CYP2C19: variants seen among roughly 807,000 people sequenced by gnomAD.
CYP2C19 encodes cytochrome P450 2C19.
In CYP2C19, 59 loss-of-function variants were observed where a neutral mutation model predicts 40.9. That is an observed-to-expected ratio of 1.44 (90% CI 1.17 to 1.79). The LOEUF (loss-of-function observed/expected upper bound fraction) is 1.79, where lower values mean the gene tolerates loss of function less well. CYP2C19 is among the 40% of genes most tolerant of loss of function. CYP2C19 has a pLI of 0.00. For synonymous variants in CYP2C19, 253 were observed against 208.7 expected (o/e 1.21, Z -1.83); for missense variants, 754 against 596.9 (o/e 1.26, Z -2.74).
intron 5 of CYP2C19, among the ~76,000 whole-genome samples, chr10:94,796,388 T>A (rs547202475): frequency 6.6e-6 from 1 of 152,156 alleles, no homozygotes; most frequent in Non-Finnish European, 1.5e-5. Context: ...TGCTGTTTTG[T>A]TTACTGTAGC....
At chr10:94,813,741 C>A (rs1272280463) in intron 5 of CYP2C19, among the ~76,000 whole-genome samples, 1 of 151,056 alleles carries the variant, frequency 6.6e-6, no homozygotes, top group Non-Finnish European at 1.5e-5. Context: ...GTGAGATCCC[C>A]TGAGCTAGAT....
In CYP2C19 at chr10:94,843,043, C is replaced by T. The variant is rs776345170; in HGVS notation, c.1149+19C>T. On this transcript the variant is annotated intron_variant, in intron 7 of 8. Coordinates refer to ENST00000371321, the MANE Select transcript of CYP2C19 (RefSeq NM_000769.4). ...TCCCAAGGTAAGTTTGTTTCTCCTA[C>T]ACTGCAACTCCATGTTCTTTTATTC... 1 of 1,612,150 alleles carries T rather than the reference C, an allele frequency of 6.2e-7. No individual in the cohort carries two copies. The highest frequency in any genetic ancestry group is 1.7e-5 in the Admixed American group (1 of 60,030).
intron 5 of CYP2C19, among the ~76,000 whole-genome samples, chr10:94,812,164 G>T (rs921712041): frequency 6.6e-6 from 1 of 152,142 alleles, no homozygotes; most frequent in Non-Finnish European, 1.5e-5. Flanking sequence ...GAAATTCTGG[G>T]TTGAAAATTC....
rs908156351 is a variant in CYP2C19 at position 94,852,976 on chromosome 10, A to C, written c.*62A>C. On this transcript the variant is annotated 3_prime_UTR_variant, in exon 9 of 9. Coordinates refer to ENST00000371321, the MANE Select transcript of CYP2C19 (RefSeq NM_000769.4). ...CTGCAGCTCTCTTTCCTCTGGTCCA[A>C]ATTTCACTATCTGTGATGCTTCTTC... 6.5e-7 allele frequency: 1 copy of C among 1,548,352 alleles called. No individual in the cohort carries two copies. The highest frequency in any genetic ancestry group is 8.9e-7 in the Non-Finnish European group (1 of 1,127,472).
At chr10:94,826,714 A>G (rs1849230750) in intron 6 of CYP2C19, among the ~76,000 whole-genome samples, 1 of 152,206 alleles carries the variant, frequency 6.6e-6, no homozygotes, top group Admixed American at 6.5e-5. Flanking sequence ...GAGTGGCAAG[A>G]GAAGGCATCC....
intron 6 of CYP2C19, among the ~76,000 whole-genome samples, chr10:94,831,917 A>G (rs907629641): frequency 2.6e-5 from 4 of 152,028 alleles, no homozygotes; most frequent in Admixed American, 1.3e-4. Flanking sequence ...ATATGATCCC[A>G]TTTGTCCATG....
chr10:94,824,214 A>T (rs1010235922), intron 6 of CYP2C19, among the ~76,000 whole-genome samples: 1 of 152,200 alleles, frequency 6.6e-6, no homozygotes, highest in Non-Finnish European at 1.5e-5. Flanking sequence ...ATATCATAAA[A>T]ATTGTCATCT....
chr10:94,820,856 G>T (rs1004222223), intron 6 of CYP2C19, among the ~76,000 whole-genome samples: 6 of 152,194 alleles, frequency 3.9e-5, no homozygotes, highest in African/African-American at 1.4e-4. Flanking sequence ...AGGCCTAGGT[G>T]GGTGGACCAT....
Position 94,804,229 on chromosome 10 carries a change from C to A in CYP2C19, c.820-16267C>A, listed in dbSNP as rs116418634. 3.1e-3 allele frequency among the ~76,000 whole-genome samples: 475 copies of A among 152,262 alleles called. 3 individuals are homozygous for A. Among genetic ancestry groups the A allele is most frequent in the African/African-American group, 0.011 (452 of 41,566 alleles). On this transcript the variant is annotated intron_variant, in intron 5 of 8. Coordinates refer to ENST00000371321, the MANE Select transcript of CYP2C19 (RefSeq NM_000769.4). ...ACCATTTCCAGGTCACCAAGCTAGT[C>A]CTGGCTGTAAATGTCATCACCCAGG...
At chr10:94,840,013 T>C (rs1378824726) in intron 6 of CYP2C19, among the ~76,000 whole-genome samples, 4 of 151,946 alleles carry the variant, frequency 2.6e-5, no homozygotes, top group African/African-American at 9.7e-5. Flanking sequence ...TAAGAATAAC[T>C]CTGAACTGGT....
At chr10:94,837,759 T>C (rs1458644934) in intron 6 of CYP2C19, among the ~76,000 whole-genome samples, 1 of 152,126 alleles carries the variant, frequency 6.6e-6, no homozygotes, top group African/African-American at 2.4e-5. Context: ...CCCGGGGTTC[T>C]GTGAGGGTGA....
rs1848468297 is a variant in CYP2C19 at position 94,780,690 on chromosome 10, C to A, written c.642+31C>A. 1.9e-6 allele frequency: 3 copies of A among 1,611,432 alleles called. No individual in the cohort carries two copies. The South Asian group carries it at 3.3e-5, about 18-fold the overall frequency. On this transcript the variant is annotated intron_variant, in intron 4 of 8. Transcript: ENST00000371321. ...GCCAAGTTTTTTGCTTCCTGAGAAA[C>A]CACTTACAGTCTTTTTTTCTGGGAA... is the stretch of plus-strand genomic sequence containing the variant.
chr10:94,772,123 G>A (rs1035636340), intron 1 of CYP2C19, among the ~76,000 whole-genome samples: 2 of 152,158 alleles, frequency 1.3e-5, no homozygotes, highest in Non-Finnish European at 2.9e-5. Flanking sequence ...TACCCTGAGG[G>A]AGGGAAGGGA....
intron 1 of CYP2C19, among the ~76,000 whole-genome samples, chr10:94,769,750 C>T (rs921031618): frequency 1.3e-5 from 2 of 152,092 alleles, no homozygotes; most frequent in South Asian, 4.1e-4. Context: ...GTGGTGGGGT[C>T]TTTTAGCCTG....
chr10:94,818,635 T>G (rs1370737766), intron 5 of CYP2C19, among the ~76,000 whole-genome samples: 1 of 147,642 alleles, frequency 6.8e-6, no homozygotes, highest in Admixed American at 6.8e-5. Context: ...CCTAGGTATT[T>G]TATTCTCTTT....
intron 5 of CYP2C19, among the ~76,000 whole-genome samples, chr10:94,784,874 G>T (rs1459636881): frequency 6.6e-6 from 1 of 152,072 alleles, no homozygotes; most frequent in Non-Finnish European, 1.5e-5. Context: ...ACAGGTGTGA[G>T]CCACCATGCC....
rs1477008784 is a variant in CYP2C19 at position 94,833,941 on chromosome 10, G to C, written c.962-8896G>C. 2.0e-5 allele frequency among the ~76,000 whole-genome samples: 3 copies of C among 152,202 alleles called. No individual in the cohort carries two copies. The East Asian group carries it at 5.8e-4, about 29-fold the overall frequency. ...GGATTGTTGCATCAGTATTCATCAGGTGTATTGGCCTGTAGTTTTCTTTTT... is the reference window on the plus strand; with the variant it reads ...GGATTGTTGCATCAGTATTCATCAGCTGTATTGGCCTGTAGTTTTCTTTTT... On this transcript the variant is annotated intron_variant, in intron 6 of 8. Transcript: ENST00000371321.
In CYP2C19 at chr10:94,772,787, TG is replaced by T. The variant is rs979718362; in HGVS notation, c.169-2270del. ...TCTGGTGGCCACATTGGTCACTTTT[TG>T]TTTTGAGACGGAGTCTCGCTCTGTC... On this transcript the variant is annotated intron_variant, in intron 1 of 8. Coordinates refer to ENST00000371321, the MANE Select transcript of CYP2C19 (RefSeq NM_000769.4). 1.6e-3 allele frequency among the ~76,000 whole-genome samples: 241 copies of T among 152,016 alleles called. 1 individual carries two copies. The highest frequency in any genetic ancestry group is 2.8e-3 in the Non-Finnish European group (189 of 67,932).
At chr10:94,839,453 G>A (rs1379789722) in intron 6 of CYP2C19, among the ~76,000 whole-genome samples, 2 of 152,208 alleles carry the variant, frequency 1.3e-5, no homozygotes, top group Non-Finnish European at 2.9e-5. Flanking sequence ...TCCTTTACCA[G>A]CATGCCTAAC....
Sources: allele counts gnomAD v4.1 joint callset (sites outside exome capture counted in the v4.1 genomes callset), GRCh38; gene constraint gnomAD v4.1.1; transcripts MANE v1.5; gene names NCBI Gene and HGNC (gene_info 2026-07-23, HGNC 2026-07-21).